The following TNRC18 variants were observed in gnomAD, a reference collection of about 807,000 sequenced individuals.
TNRC18 encodes trinucleotide repeat-containing gene 18 protein.
A neutral mutation model predicts 226.7 loss-of-function variants in TNRC18; 69 were observed. That is an observed-to-expected ratio of 0.30 (90% CI 0.25 to 0.37). The LOEUF (loss-of-function observed/expected upper bound fraction) is 0.37. Among genes scored for constraint, TNRC18 ranks in the 10% least tolerant of loss-of-function variants. The pLI, the probability that TNRC18 is intolerant of heterozygous loss-of-function variation, is 1.00. For missense variants in TNRC18, 4,754 were observed against 4,256.6 expected, an observed-to-expected ratio of 1.12 and a Z score of -3.25; for synonymous variants, 2,449 against 1,927.6, an observed-to-expected ratio of 1.27 and a Z score of -7.09.
Position 5,325,155 on chromosome 7 carries a change from A to T in TNRC18, c.6241T>A (p.Ser2081Thr). The T allele has an allele frequency of 1.3e-6, 2 of 1,551,838 alleles. No individual in the cohort carries two copies. The highest frequency in any genetic ancestry group is 1.7e-6 in the Non-Finnish European group (2 of 1,147,884). Residue 2081 changes from serine to threonine, a missense_variant, in exon 20 of 30, where the codon TCC (serine) becomes ACC (threonine). Coordinates refer to ENST00000430969, the MANE Select transcript of TNRC18 (RefSeq NM_001080495.3). ...PSEARAPHAS[S>T]LTAAKRSKAK... ...TTGCTCCTTTTGGCAGCGGTCAGGG[A>T]GCTGGCGTGAGGAGCCCTGGCCTCA...
intron 2 of TNRC18, among the ~76,000 whole-genome samples, chr7:5,403,073 C>CCAGA (rs753226341): frequency 1.3e-5 from 2 of 152,090 alleles, no homozygotes; most frequent in Admixed American, 1.3e-4. Context: ...GCCGCACCAC[C>CCAGA]CAGACAAAGC....
At chr7:5,372,753 G>C (rs971574835) in intron 10 of TNRC18, among the ~76,000 whole-genome samples, 2 of 152,068 alleles carry the variant, frequency 1.3e-5, no homozygotes, top group Non-Finnish European at 2.9e-5. Flanking sequence ...TAGCTGCAGT[G>C]GTCTCAAGCC....
In TNRC18 at chr7:5,374,385, C is replaced by T. The variant is rs772306397; in HGVS notation, c.2899G>A (p.Gly967Ser). 3.0e-5 allele frequency: 45 copies of T among 1,512,364 alleles called. No individual in the cohort carries two copies. The highest frequency in any genetic ancestry group is 2.2e-4 in the Middle Eastern group (1 of 4,464). 93.7% of individuals were successfully genotyped at this position (1,512,364 alleles called of 1,614,324 possible). ...GGCTTCCGCGGCAGCAGCCCGGGGC[C>T]GGCGGTGGCCAGGCCAGCCTTGCCC... is the stretch of plus-strand genomic sequence containing the variant. ...AAGKAGLATA[G>S]PGLLPRKPPG... Residue 967 changes from glycine to serine, a missense_variant, in exon 10 of 30, where the codon GGC becomes AGC. Gly to Ser is a moderately conservative substitution (Grantham distance 56, BLOSUM62 0). Coordinates refer to ENST00000430969, the MANE Select transcript of TNRC18 (RefSeq NM_001080495.3).
At chr7:5,419,087 G>A (rs1782373588) in intron 2 of TNRC18, among the ~76,000 whole-genome samples, 1 of 152,244 alleles carries the variant, frequency 6.6e-6, no homozygotes, top group Admixed American at 6.5e-5. Flanking sequence ...CGCAGAAGGT[G>A]CGCAGAGGCA....
intron 14 of TNRC18, 98 bp from the exon 15 acceptor site, chr7:5,359,667 T>C: frequency 7.1e-7 from 1 of 1,402,686 alleles, no homozygotes; most frequent in Non-Finnish European, 9.9e-7. Context: ...CTCTGGACCC[T>C]GAGCGTGGAC....
chr7:5,422,529 C>G (rs551116907), intron 1 of TNRC18, among the ~76,000 whole-genome samples: 64 of 152,208 alleles, frequency 4.2e-4, no homozygotes, highest in Admixed American at 3.0e-3. Flanking sequence ...CGATCTCTGT[C>G]TGCAGCAGCT....
At chr7:5,356,679 C>T (rs1792430088) in intron 16 of TNRC18, among the ~76,000 whole-genome samples, 1 of 152,192 alleles carries the variant, frequency 6.6e-6, no homozygotes, top group South Asian at 2.1e-4. Context: ...GCCCACCAAT[C>T]ACAAGCACCT....
chr7:5,385,022 G>T lies in TNRC18; in HGVS notation c.2152+2650C>A, dbSNP rs368813657. On this transcript the variant is annotated intron_variant, in intron 5 of 29. Coordinates refer to ENST00000430969, the MANE Select transcript of TNRC18 (RefSeq NM_001080495.3). Reference sequence around the variant, plus strand: ...TCAGGGCCGTCCCCGGAAGGCAGGAGCATCTGGAGCTCGGCCAGAGACAGG... The same window carrying T: ...TCAGGGCCGTCCCCGGAAGGCAGGATCATCTGGAGCTCGGCCAGAGACAGG... 1.1e-3 allele frequency among the ~76,000 whole-genome samples: 165 copies of T among 152,378 alleles called. 4 individuals are homozygous for T. The highest frequency in any genetic ancestry group is 3.7e-3 in the African/African-American group (154 of 41,596).
chr7:5,393,818 G>A (rs1002454841), intron 3 of TNRC18, among the ~76,000 whole-genome samples: 5 of 152,126 alleles, frequency 3.3e-5, no homozygotes, highest in African/African-American at 9.7e-5. Flanking sequence ...ACATTGAGGG[G>A]CATGGCTGCA....
Position 5,376,897 on chromosome 7 carries a change from G to A in TNRC18, c.2558C>T (p.Pro853Leu). Residue 853 changes from proline to leucine, a missense_variant, in exon 8 of 30, where the codon CCC becomes CTC. Physicochemically the swap from Pro to Leu is moderately conservative, Grantham distance 98 (BLOSUM62 -3). Transcript: ENST00000430969. The stretch of plus-strand genomic sequence containing the variant: ...AATGACCACCAGCTGGCCCGATTGG[G>A]GGTCCCTGACAAACTGGTAGGCTGA... Reference protein sequence around the residue: ...LPSAYQFVRDPQSGQLVVIPS... With the variant: ...LPSAYQFVRDLQSGQLVVIPS... 7.5e-6 allele frequency: 12 copies of A among 1,610,608 alleles called. No homozygotes were observed. The highest frequency in any genetic ancestry group is 1.0e-5 in the Non-Finnish European group (12 of 1,178,492).
At chr7:5,404,846 G>A (rs557560491) in intron 2 of TNRC18, among the ~76,000 whole-genome samples, 2 of 152,024 alleles carry the variant, frequency 1.3e-5, no homozygotes, top group African/African-American at 4.8e-5. Flanking sequence ...GAGCACGGTA[G>A]CTCATGCCTG....
rs1276587020 is a variant in TNRC18 at position 5,421,166 on chromosome 7, G to C, written c.81C>G (p.Ser27Arg). The C allele has an allele frequency of 2.1e-6, 3 of 1,420,530 alleles. No individual in the cohort carries two copies. Among genetic ancestry groups the C allele is most frequent in the Non-Finnish European group, 2.8e-6 (3 of 1,084,434 alleles). The allele number at this position is 1,420,530 out of a possible 1,614,324, so 88.0% of individuals were successfully genotyped here. Reference protein sequence around the residue: ...PPLLSGLAMDSHRVGAATAGR... With the variant: ...PPLLSGLAMDRHRVGAATAGR... ...CGGCAGTGGCCGCGCCCACGCGGTG[G>C]CTGTCCATGGCCAGGCCGGACAGCA... Residue 27 changes from serine (S) to arginine (R), a missense_variant, in exon 2 of 30, where the codon AGC becomes AGG. Transcript: ENST00000430969.
At chr7:5,405,842 T>G (rs1222041663) in intron 2 of TNRC18, among the ~76,000 whole-genome samples, 1 of 152,144 alleles carries the variant, frequency 6.6e-6, no homozygotes. Context: ...GGCAGGAGGA[T>G]CACTTGAGCT....
At chr7:5,318,433 C>A (rs1788057342) in intron 24 of TNRC18, among the ~76,000 whole-genome samples, 1 of 151,916 alleles carries the variant, frequency 6.6e-6, no homozygotes, top group Non-Finnish European at 1.5e-5. Flanking sequence ...CAAATATTAA[C>A]AGAAAAAAAG....
At chr7:5,352,208 T>C (rs1791903875) in intron 16 of TNRC18, 114 bp from the exon 17 acceptor site, 2 of 1,113,930 alleles carry the variant, frequency 1.8e-6, no homozygotes, top group African/African-American at 1.6e-5. Flanking sequence ...AACAAACAGG[T>C]CCGAATACCT....
In TNRC18 at chr7:5,312,824, G is replaced by C. The variant is rs557396685; in HGVS notation, c.8067C>G (p.Pro2689=). The C allele has an allele frequency of 2.0e-6, 3 of 1,527,052 alleles. No homozygotes were observed. The highest frequency in any genetic ancestry group is 2.1e-5 in the Admixed American group (1 of 47,012). The allele number at this position is 1,527,052 out of a possible 1,614,324, so 94.6% of individuals were successfully genotyped here. A position where few individuals can be genotyped will look rare whatever the true frequency, so the allele number is the denominator to read the frequency against. The change falls in exon 27 of 30, where the codon CCC becomes CCG. Residue 2689 remains proline, a synonymous_variant. Transcript: ENST00000430969. The surrounding 1 kb of genome is among the most constrained non-coding windows in gnomAD (Gnocchi z 6.3). ...CCGCCTGCGCGGAAGGGCCAGCCGT[G>C]GGGGCGGGGGCTGCCTCATCGTCCG... The part of the protein sequence containing the change: ...CSSDDEAAPA[P]TAGPSAQAAL...
At chr7:5,401,788 A>G (rs780505077) in intron 2 of TNRC18, among the ~76,000 whole-genome samples, 3 of 152,222 alleles carry the variant, frequency 2.0e-5, no homozygotes, top group Non-Finnish European at 2.9e-5. Context: ...GAGGTACTCA[A>G]GTAGTATTTA....
At chr7:5,357,494 C>A (rs1239859758) in intron 15 of TNRC18, among the ~76,000 whole-genome samples, 1 of 152,116 alleles carries the variant, frequency 6.6e-6, no homozygotes, top group African/African-American at 2.4e-5. Context: ...TCACTGCAAC[C>A]TCCACCTCCC....
chr7:5,395,234 C>G (rs1161340506), intron 2 of TNRC18, among the ~76,000 whole-genome samples: 3 of 152,244 alleles, frequency 2.0e-5, no homozygotes, highest in African/African-American at 7.2e-5. Flanking sequence ...CTGGCACCAC[C>G]GAGCCACAGT....
Sources: gnomAD v4.1 joint callset for allele counts (sites outside exome capture counted in the v4.1 genomes callset) on GRCh38, gnomAD v4.1.1 for gene constraint, Gnocchi (gnomAD v3.1) non-coding constraint, MANE v1.5 for transcripts, NCBI Gene and HGNC (gene_info 2026-07-23, HGNC 2026-07-21) for gene names.